The following PODXL variants were observed in gnomAD, a reference collection of about 807,000 sequenced individuals.
The protein encoded by PODXL is podocalyxin.
A neutral mutation model predicts 48.9 loss-of-function variants in PODXL; 20 were observed. The ratio of observed to expected loss-of-function variants is 0.41; its 90% confidence interval spans 0.29 to 0.59. The LOEUF (loss-of-function observed/expected upper bound fraction) is 0.59, where lower values mean the gene tolerates loss of function less well. PODXL is among the 20% of genes least tolerant of loss of function. PODXL has a pLI of 0.31. For synonymous variants in PODXL, 295 were observed against 287.4 expected (o/e 1.03, Z -0.27); for missense variants, 606 against 675.1 (o/e 0.90, Z 1.13).
At chr7:131,534,626 G>A (rs190775830) in intron 1 of PODXL, among the ~76,000 whole-genome samples, 25 of 152,318 alleles carry the variant, frequency 1.6e-4, no homozygotes, top group African/African-American at 5.8e-4. Context: ...TTCCTCCTCA[G>A]GGAAATGAAG....
intron 1 of PODXL, among the ~76,000 whole-genome samples, chr7:131,552,359 T>G (rs1798681596): frequency 6.6e-6 from 1 of 152,176 alleles, no homozygotes; most frequent in Non-Finnish European, 1.5e-5. Context: ...TGAGGGTGGC[T>G]AGGAGTGGCT....
rs58163575 is a variant in PODXL, at chr7:131,524,379, C to CAG, written c.101-12948_101-12947dup. On this transcript the variant is annotated intron_variant, in intron 1 of 8. Coordinates refer to ENST00000378555, the MANE Select transcript of PODXL (RefSeq NM_001018111.3). ...ACACACACGCACACACACACACACA[C>CAG]AGAGAGAGAGAGAGAGAGAGAGAGA... is the stretch of plus-strand genomic sequence containing the variant. Among the ~76,000 whole-genome samples the CAG allele has an allele frequency of 2.0e-3, 205 of 104,104 alleles. 2 individuals are homozygous for CAG. The highest frequency in any genetic ancestry group is 9.2e-3 in the Middle Eastern group (2 of 218). The allele number at this position is 104,104 out of a possible 152,430, so 68.3% of individuals were successfully genotyped here.
intron 1 of PODXL, among the ~76,000 whole-genome samples, chr7:131,546,883 C>A (rs912003260): frequency 2.8e-4 from 42 of 152,180 alleles, no homozygotes; most frequent in Non-Finnish European, 7.4e-5. Flanking sequence ...CCCTGGCCAC[C>A]TTCATCTAAA....
rs751378327 is a variant in PODXL, at chr7:131,509,031, G to A, written c.1024-3C>T. On this transcript the variant is annotated splice_region_variant and splice_polypyrimidine_tract_variant and intron_variant, in intron 4 of 8. Coordinates refer to ENST00000378555, the MANE Select transcript of PODXL (RefSeq NM_001018111.3). ...GTCTCAAGATCCTCACACTTTGCCT[G>A]GAAGAAGCCACTGAGATTAAGGTTT... 6.2e-7 allele frequency: 1 copy of A among 1,612,108 alleles called. No homozygotes were observed. The highest frequency in any genetic ancestry group is 1.1e-5 in the South Asian group (1 of 91,058).
rs142567610 is a variant in PODXL, at chr7:131,504,538, G to A, written c.1480-30C>T. 141 of 1,600,384 alleles carry A rather than the reference G, an allele frequency of 8.8e-5. 1 individual carries two copies. The East Asian group carries it at 3.1e-3, about 35-fold the overall frequency. On this transcript the variant is annotated intron_variant, in intron 8 of 8. Transcript: ENST00000378555. The stretch of plus-strand genomic sequence containing the variant: ...AGTGGGGAAGGTGACCGGTGAGAAG[G>A]GGGTTTCAGAGGGCTCTGAGCTTAA...
chr7:131,522,312 C>T (rs1002935887), intron 1 of PODXL, among the ~76,000 whole-genome samples: 11 of 152,080 alleles, frequency 7.2e-5, no homozygotes, highest in African/African-American at 2.7e-4. Flanking sequence ...ATTAGCCAGG[C>T]TTGGTGGCAC....
intron 1 of PODXL, among the ~76,000 whole-genome samples, chr7:131,538,740 C>T (rs1798424787): frequency 6.6e-6 from 1 of 152,158 alleles, no homozygotes; most frequent in Admixed American, 6.5e-5. Flanking sequence ...ATCCTGCTCC[C>T]CACTCCCGCT....
Position 131,514,406 on chromosome 7 carries a change from C to T in PODXL, c.101-2973G>A, listed in dbSNP as rs754622659. 3.2e-4 allele frequency among the ~76,000 whole-genome samples: 48 copies of T among 151,898 alleles called. 1 individual carries two copies. Among genetic ancestry groups the T allele is most frequent in the South Asian group, 6.2e-4 (3 of 4,808 alleles). ...CCGGCCTGGGTGACAGAGTGAGACA[C>T]AGTCTCCAAAAAAAAGTGGGGTGGC... On this transcript the variant is annotated intron_variant, in intron 1 of 8. Transcript: ENST00000378555.
At position 131,505,961 on chromosome 7, in the gene PODXL, G is replaced by A; in HGVS notation, c.1386C>T (p.Leu462=). 1 of 1,609,760 alleles carries A rather than the reference G, an allele frequency of 6.2e-7. No homozygotes were observed. Among genetic ancestry groups the A allele is most frequent in the Non-Finnish European group, 8.5e-7 (1 of 1,178,506 alleles). Residue 462 remains leucine (L), a synonymous_variant, in exon 8 of 9, where the codon CTC becomes CTT. Transcript: ENST00000378555. ...EEAEDRFSMP[L]IITIVCMASF... is the part of the protein sequence containing the mutation. ...ATGCCATGCAGACGATGGTGATGAT[G>A]AGGGGCATGCTGAAGCGGTCCTCGG... is the stretch of plus-strand genomic sequence containing the variant.
rs533735554 is a variant in PODXL, at chr7:131,550,075, G to A, written c.100+6185C>T. 1.5e-3 allele frequency among the ~76,000 whole-genome samples: 230 copies of A among 152,354 alleles called. 1 individual carries two copies. Among genetic ancestry groups the A allele is most frequent in the Middle Eastern group, 3.4e-3 (1 of 294 alleles). On this transcript the variant is annotated intron_variant, in intron 1 of 8. Coordinates refer to ENST00000378555, the MANE Select transcript of PODXL (RefSeq NM_001018111.3). ...GCCACTGATGAATCTGCAGCTGAAC[G>A]CTGCATTTTGTGCAGCCAATTATCC...
Position 131,506,087 on chromosome 7 carries a change from C to T in PODXL, c.1312-52G>A, listed in dbSNP as rs1169673729. Reference sequence around the variant, plus strand: ...CTGGGGGCATCCTCTCTCCCTCAGCCCCCGGCTTCACTGTAGAGCCCCTCC... The same window carrying T: ...CTGGGGGCATCCTCTCTCCCTCAGCTCCCGGCTTCACTGTAGAGCCCCTCC... On this transcript the variant is annotated intron_variant, in intron 7 of 8. Transcript: ENST00000378555. The T allele has an allele frequency of 1.9e-6, 3 of 1,584,620 alleles. No homozygotes were observed. In the East Asian group the frequency reaches 6.7e-5, roughly 36 times the overall value.
chr7:131,508,956 G>A lies in PODXL; in HGVS notation c.1096C>T (p.Leu366Phe), dbSNP rs1026546812. ...QLVLNLTGNTLCAGGASDEKL... is the reference protein window; with the variant it reads ...QLVLNLTGNTFCAGGASDEKL... ...CAGATCAGCAAGCTACTCACACAGA[G>A]GGTGTTTCCTGTGAGGTTCAGGACG... The change falls in exon 5 of 9, where the codon CTC becomes TTC. Residue 366 changes from leucine (L) to phenylalanine (F), a missense_variant. Leu to Phe is a conservative substitution (Grantham distance 22). Transcript: ENST00000378555. 2.2e-5 allele frequency: 35 copies of A among 1,610,952 alleles called. No homozygotes were observed. The Admixed American group carries it at 4.2e-4, about 19-fold the overall frequency.
At chr7:131,504,552 C>T (rs1391077550) in intron 8 of PODXL, 44 bp from the exon 9 acceptor site, 2 of 1,547,502 alleles carry the variant, frequency 1.3e-6, no homozygotes, top group Non-Finnish European at 1.8e-6. Flanking sequence ...TTTCAGAGGG[C>T]TCTGAGCTTA....
chr7:131,544,645 AC>A (rs1798538726), intron 1 of PODXL, among the ~76,000 whole-genome samples: 1 of 24,632 alleles, frequency 4.1e-5, no homozygotes, highest in South Asian at 2.7e-3. Context: ...CTCCGCACGC[AC>A]GCCCTGTACT....
At chr7:131,526,480 GA>G (rs1562910580) in intron 1 of PODXL, among the ~76,000 whole-genome samples, 1 of 135,998 alleles carries the variant, frequency 7.4e-6, no homozygotes, top group Non-Finnish European at 1.6e-5. Context: ...CAACCCAATA[GA>G]AAAAAAATTA....
chr7:131,519,263 T>G (rs115769997), intron 1 of PODXL, among the ~76,000 whole-genome samples: 1 of 152,176 alleles, frequency 6.6e-6, no homozygotes, highest in African/African-American at 2.4e-5. Flanking sequence ...AAAACCAGGC[T>G]TGGTTTTTTC....
chr7:131,531,383 C>T (rs1798277787), intron 1 of PODXL, among the ~76,000 whole-genome samples: 1 of 152,218 alleles, frequency 6.6e-6, no homozygotes, highest in African/African-American at 2.4e-5. Context: ...GAGCAAGGAG[C>T]TTGTCTGCAG....
At chr7:131,533,877 G>A (rs1227662453) in intron 1 of PODXL, among the ~76,000 whole-genome samples, 1 of 152,204 alleles carries the variant, frequency 6.6e-6, no homozygotes, top group African/African-American at 2.4e-5. Flanking sequence ...TAACATAAAT[G>A]TCTGAATGCT....
rs80297946 is a variant in PODXL, at chr7:131,513,437, G to A, written c.101-2004C>T. On this transcript the variant is annotated intron_variant, in intron 1 of 8. Transcript: ENST00000378555. ...GGAAGGGGGCTGATGGCTGCATCCC[G>A]TACTCTGTGCCAGCCAGCACCCATA... is the stretch of plus-strand genomic sequence containing the variant. Among the ~76,000 whole-genome samples, 369 of 152,326 alleles carry A rather than the reference G, an allele frequency of 2.4e-3. 1 individual carries two copies. The highest frequency in any genetic ancestry group is 3.6e-3 in the Non-Finnish European group (243 of 68,028).
Sources: allele counts gnomAD v4.1 joint callset (sites outside exome capture counted in the v4.1 genomes callset), GRCh38; gene constraint gnomAD v4.1.1; transcripts MANE v1.5; gene names NCBI Gene and HGNC (gene_info 2026-07-23, HGNC 2026-07-21).